The following CELF2 variants were observed in gnomAD, a reference collection of about 807,000 sequenced individuals.
CELF2 encodes CUG triplet repeat RNA-binding protein 2.
Under a neutral mutation model 62.6 loss-of-function variants are expected in CELF2, and 8 were observed. The observed-to-expected ratio is 0.13, with a 90% CI of 0.07 to 0.23. CELF2 has a LOEUF of 0.23. Among genes scored for constraint, CELF2 ranks in the 10% least tolerant of loss-of-function variants. CELF2 has a pLI of 1.00. For synonymous variants in CELF2, 258 were observed against 250.0 expected (o/e 1.03, Z -0.30); for missense variants, 333 against 671.0 (o/e 0.50, Z 5.56).
chr10:11,154,369 C>T (rs999484253), intron 1 of CELF2, among the ~76,000 whole-genome samples: 6 of 152,204 alleles, frequency 3.9e-5, no homozygotes, highest in African/African-American at 1.4e-4. Flanking sequence ...CTGATTTCAT[C>T]TTAAGATACA....
At chr10:10,727,094 C>T in the CELF2 span, among the ~76,000 whole-genome samples, 1 of 152,158 alleles carries the variant, frequency 6.6e-6, no homozygotes, top group Non-Finnish European at 1.5e-5. Flanking sequence ...AGAAATCACC[C>T]ATCACGATCA....
rs149813779 is a variant in CELF2 at position 10,932,249 on chromosome 10, C to T, written c.89+12250C>T. On this transcript the variant is annotated intron_variant, in intron 2 of 13. Coordinates refer to the CELF2 transcript ENST00000636488. ...GAAGCAGAGTAGCATGGGGGCTGGA[C>T]AAGGTATGCGGTGGGGAGTGGGGAG... 7.8e-4 allele frequency among the ~76,000 whole-genome samples: 119 copies of T among 152,190 alleles called. 1 individual carries two copies. Among genetic ancestry groups the T allele is most frequent in the African/African-American group, 2.8e-3 (115 of 41,524 alleles).
At chr10:10,970,479 G>A (rs1381611949) in intron 2 of CELF2, among the ~76,000 whole-genome samples, 3 of 152,212 alleles carry the variant, frequency 2.0e-5, no homozygotes, top group Admixed American at 2.0e-4. Flanking sequence ...ATGGTCTGTA[G>A]AAATGTCCTT....
At chr10:11,091,136 T>C (rs1421230948) in intron 1 of CELF2, among the ~76,000 whole-genome samples, 1 of 152,206 alleles carries the variant, frequency 6.6e-6, no homozygotes, top group Non-Finnish European at 1.5e-5. Context: ...GTATGAATGT[T>C]TGATTCTCCT....
chr10:10,772,713 A>G, the CELF2 span, among the ~76,000 whole-genome samples: 1 of 152,176 alleles, frequency 6.6e-6, no homozygotes, highest in Non-Finnish European at 1.5e-5. Flanking sequence ...GAAGCTCAAG[A>G]TTTCCCTTTA....
In CELF2 at chr10:10,821,203, G is replaced by A. The variant is rs573094622; in HGVS notation, c.53+22386G>A. Among the ~76,000 whole-genome samples, 20 of 152,316 alleles carry A rather than the reference G, an allele frequency of 1.3e-4. No homozygotes were observed. In the East Asian group the frequency reaches 1.5e-3, roughly 12 times the overall value. On this transcript the variant is annotated intron_variant, in intron 1 of 13. Coordinates refer to the CELF2 transcript ENST00000636488. ...TGACTTTGGACATCTAGCGTCCAAGGTACCTCTAATATGCCAAAGAGAGAG... is the reference window on the plus strand; with the variant it reads ...TGACTTTGGACATCTAGCGTCCAAGATACCTCTAATATGCCAAAGAGAGAG...
At chr10:10,837,631 A>C (rs1279062475) in intron 1 of CELF2, among the ~76,000 whole-genome samples, 1 of 152,184 alleles carries the variant, frequency 6.6e-6, no homozygotes, top group Non-Finnish European at 1.5e-5. Context: ...AATCTTATGC[A>C]TATTAGTACA....
chr10:10,750,667 C>T, the CELF2 span, among the ~76,000 whole-genome samples: 51 of 152,296 alleles, frequency 3.3e-4, no homozygotes, highest in South Asian at 2.5e-3. Flanking sequence ...TGTGTGTATA[C>T]GTGTGTTCCA....
intron 9 of CELF2, among the ~76,000 whole-genome samples, chr10:11,301,080 C>G (rs535118311): frequency 6.6e-6 from 1 of 152,282 alleles, no homozygotes; most frequent in South Asian, 2.1e-4. Context: ...TAACGCTAGA[C>G]ATGCCCTGCA....
chr10:11,254,533 A>G (rs144884601), intron 4 of CELF2, among the ~76,000 whole-genome samples: 91 of 152,332 alleles, frequency 6.0e-4, no homozygotes, highest in Middle Eastern at 3.4e-3. Flanking sequence ...CTTCATGAGT[A>G]GTTTCCATTT....
intron 3 of CELF2, among the ~76,000 whole-genome samples, chr10:11,235,666 T>A (rs921006073): frequency 6.6e-6 from 1 of 152,176 alleles, no homozygotes; most frequent in African/African-American, 2.4e-5. Context: ...GAAGACGAGA[T>A]GAATAAATGT....
At chr10:10,506,741 A>G in the CELF2 span, among the ~76,000 whole-genome samples, 2 of 121,566 alleles carry the variant, frequency 1.6e-5, no homozygotes, top group Non-Finnish European at 3.2e-5. Context: ...CAGAGGTGCA[A>G]TCTTGGCTCA....
At chr10:10,654,995 T>G in the CELF2 span, among the ~76,000 whole-genome samples, 6 of 145,770 alleles carry the variant, frequency 4.1e-5, no homozygotes, top group Non-Finnish European at 7.6e-5. Flanking sequence ...AAAATCTCCT[T>G]AAGCTGATAA....
chr10:10,786,101 G>A, the CELF2 span, among the ~76,000 whole-genome samples: 1 of 152,046 alleles, frequency 6.6e-6, no homozygotes, highest in Non-Finnish European at 1.5e-5. Flanking sequence ...AAAACAAAAG[G>A]TCTAGGCCAA....
chr10:10,483,339 T>C, the CELF2 span, among the ~76,000 whole-genome samples: 1 of 151,452 alleles, frequency 6.6e-6, no homozygotes, highest in African/African-American at 2.4e-5. Context: ...ATTTATAAAA[T>C]AGAGAGAAAA....
the CELF2 span, among the ~76,000 whole-genome samples, chr10:10,473,380 G>T: frequency 6.6e-6 from 1 of 151,964 alleles, no homozygotes; most frequent in African/African-American, 2.4e-5. Flanking sequence ...AATGTGCCCT[G>T]CTAACCTGCT....
chr10:10,510,280 T>C, the CELF2 span, among the ~76,000 whole-genome samples: 1 of 152,228 alleles, frequency 6.6e-6, no homozygotes, highest in African/African-American at 2.4e-5. Context: ...TGAAAAGTCA[T>C]CTCCGTAATA....
rs367658435 is a variant in CELF2 at position 11,222,584 on chromosome 10, T to C, written c.354+5077T>C. Among the ~76,000 whole-genome samples the C allele has an allele frequency of 3.3e-5, 5 of 151,870 alleles. No individual in the cohort carries two copies. In the East Asian group the frequency reaches 5.8e-4, roughly 18 times the overall value. ...ATTCGGCAACCATGTATTGAACGTT[T>C]ATTGTTTGCCAGGCACTGTTCTAGA... On this transcript the variant is annotated intron_variant, in intron 3 of 12. Coordinates refer to ENST00000633077, the MANE Select transcript of CELF2 (RefSeq NM_001326342.2).
intron 1 of CELF2, among the ~76,000 whole-genome samples, chr10:10,906,157 A>G (rs58768437): frequency 0.049 from 6,653 of 135,334 alleles, 480 homozygotes; most frequent in African/African-American, 0.18. Context: ...CCCAACATGC[A>G]TAGGCTGTCT....
Sources: allele counts gnomAD v4.1 joint callset (sites outside exome capture counted in the v4.1 genomes callset), GRCh38; gene constraint gnomAD v4.1.1; transcripts MANE v1.5; gene names NCBI Gene and HGNC (gene_info 2026-07-23, HGNC 2026-07-21).